NECAB2: variants seen among roughly 807,000 people sequenced by gnomAD.
NECAB2 encodes the protein N-terminal EF-hand calcium-binding protein 2.
In NECAB2, 68 loss-of-function variants were observed where a neutral mutation model predicts 51.9. The ratio of observed to expected loss-of-function variants is 1.31; its 90% confidence interval spans 1.08 to 1.60. The LOEUF (loss-of-function observed/expected upper bound fraction) is 1.60. NECAB2 is among the 40% of genes most tolerant of loss of function. NECAB2 has a pLI of 0.00. For synonymous variants in NECAB2, 329 were observed against 203.5 expected (o/e 1.62, Z -5.25); for missense variants, 854 against 490.3 (o/e 1.74, Z -7.00).
At chr16:83,983,302 T>C (rs1388673332) in intron 5 of NECAB2, among the ~76,000 whole-genome samples, 1 of 152,210 alleles carries the variant, frequency 6.6e-6, no homozygotes, top group Non-Finnish European at 1.5e-5. Context: ...TGCCGTTGTC[T>C]CTGCATTCTA....
At chr16:83,996,465 G>A (rs553498884) in intron 8 of NECAB2, among the ~76,000 whole-genome samples, 50 of 152,280 alleles carry the variant, frequency 3.3e-4, no homozygotes, top group Non-Finnish European at 5.6e-4. Flanking sequence ...ATTAGCTGGC[G>A]TGCTTTACCT....
intron 11 of NECAB2, 48 bp downstream of exon 11, chr16:84,000,849 G>C (rs752715395): frequency 2.4e-5 from 38 of 1,585,142 alleles, no homozygotes; most frequent in Non-Finnish European, 2.9e-5. Context: ...GAGGGAAGTG[G>C]GGGGGCTGTC....
At chr16:83,985,595 T>G (rs1002673228) in intron 5 of NECAB2, among the ~76,000 whole-genome samples, 1 of 150,716 alleles carries the variant, frequency 6.6e-6, no homozygotes, top group Non-Finnish European at 1.5e-5. Flanking sequence ...ACTGCCCCAC[T>G]GCACTCCAGC....
In NECAB2 at chr16:83,986,388, C is replaced by G. The variant is rs534632251; in HGVS notation, c.460-4106C>G. On this transcript the variant is annotated intron_variant, in intron 5 of 12. Transcript: ENST00000305202. The stretch of plus-strand genomic sequence containing the variant: ...CTGGCTCAAAGGAGAATTGAAAGAA[C>G]TTGTGCACTAATACATAGGTAAATA... 3.9e-5 allele frequency among the ~76,000 whole-genome samples: 6 copies of G among 152,300 alleles called. No homozygotes were observed. In the South Asian group the frequency reaches 8.3e-4, roughly 21 times the overall value.
At position 83,980,819 on chromosome 16, in the gene NECAB2, G is replaced by A. The variant is rs1164953258; in HGVS notation, c.336-20G>A. ...CCCCTCTCTGTCTCTGTCTGTCTCT[G>A]CCTCTGTCTGTCTCTGCAGCCATGT... On this transcript the variant is annotated intron_variant, in intron 3 of 12. Transcript: ENST00000305202. 6.4e-7 allele frequency: 1 copy of A among 1,568,622 alleles called. No individual in the cohort carries two copies. Among genetic ancestry groups the A allele is most frequent in the Non-Finnish European group, 8.6e-7 (1 of 1,156,220 alleles).
chr16:83,990,821 T>A (rs975404381), intron 6 of NECAB2, among the ~76,000 whole-genome samples, 191 bp downstream of exon 6: 8 of 152,036 alleles, frequency 5.3e-5, no homozygotes, highest in African/African-American at 1.9e-4. Flanking sequence ...TCTCAGCCAT[T>A]GCAAGGATTG....
chr16:83,998,848 C>T (rs2084762781), intron 10 of NECAB2, among the ~76,000 whole-genome samples: 1 of 152,172 alleles, frequency 6.6e-6, no homozygotes. Flanking sequence ...AGCGGCCTTA[C>T]CTTCAAATTC....
At chr16:83,994,867 A>G (rs935188583) in intron 8 of NECAB2, among the ~76,000 whole-genome samples, 179 bp downstream of exon 8, 1 of 152,126 alleles carries the variant, frequency 6.6e-6, no homozygotes, top group African/African-American at 2.4e-5. Context: ...ACCCCGGGGG[A>G]TGCTCGTGTT....
chr16:83,983,998 T>G (rs58504416), intron 5 of NECAB2, among the ~76,000 whole-genome samples: 1 of 89,672 alleles, frequency 1.1e-5, no homozygotes, highest in African/African-American at 1.9e-4. Flanking sequence ...ATATGGTGGT[T>G]TTTTTTTTTT....
intron 8 of NECAB2, among the ~76,000 whole-genome samples, chr16:83,995,891 TAAC>T (rs549462809): frequency 8.9e-4 from 136 of 152,274 alleles, no homozygotes; most frequent in Non-Finnish European, 1.5e-3. Flanking sequence ...CCGGTTGTCA[TAAC>T]AACTCAGCGG....
intron 8 of NECAB2, among the ~76,000 whole-genome samples, chr16:83,995,155 C>G (rs746644357): frequency 6.6e-6 from 1 of 152,212 alleles, no homozygotes; most frequent in African/African-American, 2.4e-5. Flanking sequence ...ATGGGACGTC[C>G]ACAGGTGATA....
chr16:83,969,085 C>G (rs569646371), intron 1 of NECAB2, among the ~76,000 whole-genome samples: 1 of 151,670 alleles, frequency 6.6e-6, no homozygotes, highest in Admixed American at 6.5e-5. Context: ...CCTCCACCGG[C>G]GCTTCTCGGA....
Position 83,978,491 on chromosome 16 carries a change from G to A in NECAB2, c.274G>A (p.Gly92Ser). ...LEEFQLFFAD[G>S]VLNEKELEDL... ...GGAATTCCAGCTCTTCTTTGCAGATGGCGTCCTTAATGAGAAAGAACTGGA... is the reference window on the plus strand; with the variant it reads ...GGAATTCCAGCTCTTCTTTGCAGATAGCGTCCTTAATGAGAAAGAACTGGA... Residue 92 changes from glycine to serine, a missense_variant, in exon 3 of 13, where the codon GGC becomes AGC. Physicochemically the swap from Gly to Ser is moderately conservative, Grantham distance 56. Coordinates refer to ENST00000305202, the MANE Select transcript of NECAB2 (RefSeq NM_019065.3). The A allele has an allele frequency of 6.2e-7, 1 of 1,614,002 alleles. No individual in the cohort carries two copies. The highest frequency in any genetic ancestry group is 1.7e-5 in the Admixed American group (1 of 59,992).
At position 83,978,521 on chromosome 16, in the gene NECAB2, C is replaced by G. The variant is rs533909737; in HGVS notation, c.304C>G (p.Leu102Val). ...CCTTAATGAGAAAGAACTGGAGGAT[C>G]TCTTTCACACGATTGACTCTGACAA... ...GVLNEKELED[L>V]FHTIDSDNTN... The change falls in exon 3 of 13, where the codon CTC becomes GTC. Residue 102 changes from leucine (L) to valine (V), a missense_variant. By Grantham distance (32) the Leu-to-Val change is conservative (BLOSUM62 1). Coordinates refer to ENST00000305202, the MANE Select transcript of NECAB2 (RefSeq NM_019065.3). The G allele has an allele frequency of 3.3e-5, 54 of 1,613,778 alleles. No homozygotes were observed. The East Asian group carries it at 1.1e-3, about 34-fold the overall frequency.
intron 9 of NECAB2, 110 bp downstream of exon 9, chr16:83,997,379 C>G: frequency 3.6e-6 from 5 of 1,396,670 alleles, no homozygotes; most frequent in African/African-American, 1.4e-5. Context: ...CTTGGGACCA[C>G]CAGGAGGGGA....
intron 5 of NECAB2, among the ~76,000 whole-genome samples, chr16:83,985,666 C>T (rs1436023222): frequency 6.6e-6 from 1 of 151,928 alleles, no homozygotes; most frequent in African/African-American, 2.4e-5. Flanking sequence ...GTTGGCGTTC[C>T]CATAGCAATC....
intron 5 of NECAB2, among the ~76,000 whole-genome samples, chr16:83,981,898 C>A (rs1304435275): frequency 6.6e-6 from 1 of 152,148 alleles, no homozygotes; most frequent in Non-Finnish European, 1.5e-5. Context: ...CTTTGGGAGT[C>A]CAGAAAAGCC....
At chr16:83,996,611 G>C (rs1016675437) in intron 8 of NECAB2, among the ~76,000 whole-genome samples, 8 of 151,784 alleles carry the variant, frequency 5.3e-5, no homozygotes, top group African/African-American at 1.9e-4. Flanking sequence ...AGACACACTG[G>C]GTTCAGACCC....
intron 5 of NECAB2, among the ~76,000 whole-genome samples, chr16:83,982,032 A>T (rs115236515): frequency 1.1e-4 from 16 of 152,208 alleles, no homozygotes; most frequent in Non-Finnish European, 4.4e-5. Context: ...AAATGGAGAC[A>T]TCCACCTTAT....
Sources: gnomAD v4.1 joint callset for allele counts (sites outside exome capture counted in the v4.1 genomes callset) on GRCh38, gnomAD v4.1.1 for gene constraint, MANE v1.5 for transcripts, NCBI Gene and HGNC (gene_info 2026-07-23, HGNC 2026-07-21) for gene names.